FNDC3A: variants seen among roughly 807,000 people sequenced by gnomAD.
The protein encoded by FNDC3A is fibronectin type-III domain-containing protein 3A.
A neutral mutation model predicts 148.9 loss-of-function variants in FNDC3A; 32 were observed. The ratio of observed to expected loss-of-function variants is 0.21; its 90% confidence interval spans 0.16 to 0.29. FNDC3A has a LOEUF of 0.29. Among genes scored for constraint, FNDC3A ranks in the 10% least tolerant of loss-of-function variants. The pLI, the probability that FNDC3A is intolerant of heterozygous loss-of-function variation, is 1.00. For missense variants in FNDC3A, 1,191 were observed against 1,452.8 expected (o/e 0.82, Z 2.93); for synonymous variants, 472 against 473.6 (o/e 1.00, Z 0.04).
chr13:49,138,659 A>T, intron 6 of FNDC3A, 88 bp from the exon 7 acceptor site: 3 of 625,008 alleles, frequency 4.8e-6, no homozygotes, highest in Non-Finnish European at 8.3e-6. Context: ...TCAAATACCA[A>T]CCTAGTTTCA....
chr13:49,039,094 T>C (rs974316477), intron 2 of FNDC3A, among the ~76,000 whole-genome samples: 5 of 152,170 alleles, frequency 3.3e-5, no homozygotes, highest in Non-Finnish European at 7.3e-5. Flanking sequence ...AATGTTATTT[T>C]TCCTGTTCTC....
At chr13:49,117,715 C>G (rs1364828661) in intron 4 of FNDC3A, among the ~76,000 whole-genome samples, 1 of 152,104 alleles carries the variant, frequency 6.6e-6, no homozygotes, top group African/African-American at 2.4e-5. Context: ...GATAAATAAT[C>G]TAGAGATGAT....
At chr13:49,045,577 C>T in intron 2 of FNDC3A, 1 of 397,586 alleles carries the variant, frequency 2.5e-6, no homozygotes. Flanking sequence ...TAATATATCC[C>T]ATACCATACT....
At chr13:49,197,396 T>TTGAAC (rs1886206093) in intron 20 of FNDC3A, among the ~76,000 whole-genome samples, 1 of 150,968 alleles carries the variant, frequency 6.6e-6, no homozygotes, top group South Asian at 2.1e-4. Context: ...TCAGTTCCCT[T>TTGAAC]TGAAATTTAA....
intron 2 of FNDC3A, among the ~76,000 whole-genome samples, chr13:49,019,434 T>C (rs1311868415): frequency 1.3e-5 from 2 of 152,212 alleles, no homozygotes; most frequent in African/African-American, 4.8e-5. Flanking sequence ...GCTTCCGGAG[T>C]GAGGCAATGC....
intron 2 of FNDC3A, among the ~76,000 whole-genome samples, chr13:49,039,387 C>T (rs149107725): frequency 6.4e-4 from 98 of 152,234 alleles, no homozygotes; most frequent in African/African-American, 2.0e-3. Flanking sequence ...TAGAGGTTCC[C>T]GTCAGGCTTG....
intron 3 of FNDC3A, among the ~76,000 whole-genome samples, chr13:49,078,518 A>AGG (rs544618650): frequency 2.6e-4 from 40 of 152,350 alleles, no homozygotes; most frequent in Admixed American, 1.1e-3. Context: ...GAAAGGATAA[A>AGG]GGGAACCAGA....
chr13:49,060,989 T>C (rs962452233), intron 2 of FNDC3A, among the ~76,000 whole-genome samples: 1 of 152,174 alleles, frequency 6.6e-6, no homozygotes. Flanking sequence ...GTTAATTTTA[T>C]GTTATATGAA....
At chr13:49,084,588 T>G (rs1028047581) in intron 3 of FNDC3A, among the ~76,000 whole-genome samples, 7 of 152,212 alleles carry the variant, frequency 4.6e-5, no homozygotes, top group Admixed American at 3.9e-4. Flanking sequence ...ATTTGACTCT[T>G]TGTGTAGAAA....
chr13:49,067,106 T>C lies in FNDC3A; in HGVS notation c.100-8183T>C, dbSNP rs138104905. On this transcript the variant is annotated intron_variant, in intron 2 of 25. Transcript: ENST00000492622. The stretch of plus-strand genomic sequence containing the variant: ...ATTGTAACCTGGAAAGCCAAAGGAT[T>C]GTATCATGCTGTTAATTGGCTATTC... 1.1e-4 allele frequency among the ~76,000 whole-genome samples: 17 copies of C among 152,330 alleles called. No homozygotes were observed. In the East Asian group the frequency reaches 2.3e-3, roughly 21 times the overall value.
At chr13:49,167,440 A>G (rs1884532637) in intron 9 of FNDC3A, 137 bp downstream of exon 9, 1 of 566,878 alleles carries the variant, frequency 1.8e-6, no homozygotes, top group South Asian at 3.4e-5. Flanking sequence ...GGCTGGGCGC[A>G]GTGCGCCCGT....
Position 49,188,547 on chromosome 13 carries a change from A to G in FNDC3A, c.1858A>G (p.Thr620Ala). The G allele has an allele frequency of 6.2e-7, 1 of 1,613,766 alleles. No individual in the cohort carries two copies. Among genetic ancestry groups the G allele is most frequent in the Non-Finnish European group, 8.5e-7 (1 of 1,179,602 alleles). ...ATGGGAAATGATATACAGTGGTGCT[A>G]CCAGGGAACATCTTTGTGATCGACT... ...NKWEMIYSGATREHLCDRLNP... is the reference protein window; with the variant it reads ...NKWEMIYSGAAREHLCDRLNP... Residue 620 changes from threonine (T) to alanine (A), a missense_variant, in exon 17 of 26, where the codon ACC (threonine) becomes GCC (alanine). By Grantham distance (58) the Thr-to-Ala change is moderately conservative. This residue lies in a region of FNDC3A where 751 missense variants were observed against 944.0 expected (regional missense o/e 0.80). Coordinates refer to ENST00000492622, the MANE Select transcript of FNDC3A (RefSeq NM_001079673.2).
chr13:48,993,977 T>C (rs374683645), intron 1 of FNDC3A, among the ~76,000 whole-genome samples: 3 of 152,360 alleles, frequency 2.0e-5, no homozygotes, highest in East Asian at 3.9e-4. Context: ...TAGAATGATA[T>C]TACATTTGTT....
intron 3 of FNDC3A, among the ~76,000 whole-genome samples, chr13:49,077,465 G>A (rs539059835): frequency 6.6e-6 from 1 of 152,188 alleles, no homozygotes; most frequent in Non-Finnish European, 1.5e-5. Flanking sequence ...TTTAATCAAA[G>A]AAGAAATAGA....
intron 14 of FNDC3A, among the ~76,000 whole-genome samples, chr13:49,183,143 C>T (rs1034002572): frequency 2.0e-5 from 3 of 152,196 alleles, no homozygotes; most frequent in African/African-American, 7.2e-5. Flanking sequence ...ATTAACTACT[C>T]ATCTCTCCCT....
At chr13:49,040,867 C>G (rs904761216) in intron 2 of FNDC3A, among the ~76,000 whole-genome samples, 2 of 152,090 alleles carry the variant, frequency 1.3e-5, no homozygotes, top group African/African-American at 4.8e-5. Context: ...TTTTTGTAGT[C>G]ATTTCATTTA....
At chr13:49,026,375 G>A (rs1873716637) in intron 2 of FNDC3A, among the ~76,000 whole-genome samples, 1 of 152,306 alleles carries the variant, frequency 6.6e-6, no homozygotes, top group Non-Finnish European at 1.5e-5. Flanking sequence ...AATTCTAGTT[G>A]ATTCTGGAAA....
At chr13:49,149,427 A>G (rs551389026) in intron 8 of FNDC3A, among the ~76,000 whole-genome samples, 77 of 152,298 alleles carry the variant, frequency 5.1e-4, no homozygotes, top group African/African-American at 1.8e-3. Flanking sequence ...AATTTTATCA[A>G]AATTTCTCTA....
intron 2 of FNDC3A, among the ~76,000 whole-genome samples, chr13:49,040,403 T>C (rs931099680): frequency 4.6e-5 from 7 of 152,208 alleles, no homozygotes; most frequent in African/African-American, 1.7e-4. Context: ...CCATTTGCAC[T>C]TACGGATGGC....
Sources: gnomAD v4.1 joint callset for allele counts (sites outside exome capture counted in the v4.1 genomes callset) on GRCh38, gnomAD v4.1.1 for gene constraint, gnomAD v4.1.1 regional missense constraint, MANE v1.5 for transcripts, NCBI Gene and HGNC (gene_info 2026-07-23, HGNC 2026-07-21) for gene names.